The following COL6A3 variants were observed in gnomAD, a reference collection of about 807,000 sequenced individuals.
The protein encoded by COL6A3 is collagen alpha-3(VI) chain.
A neutral mutation model predicts 274.1 loss-of-function variants in COL6A3; 137 were observed. The observed-to-expected ratio is 0.50, with a 90% CI of 0.44 to 0.58. The LOEUF is 0.58. Ranked by LOEUF, COL6A3 falls within the 20% of genes least tolerant of loss-of-function variation. The pLI, the probability that COL6A3 is intolerant of heterozygous loss-of-function variation, is 0.00. For missense variants in COL6A3, 3,950 were observed against 4,124.9 expected (o/e 0.96, Z 1.16); for synonymous variants, 1,650 against 1,650.6 (o/e 1.00, Z 0.01).
rs57735244 is a variant in COL6A3, at chr2:237,413,514, C to T, written c.-31+439G>A. 0.022 allele frequency among the ~76,000 whole-genome samples: 3,328 copies of T among 152,314 alleles called. 120 individuals are homozygous for T. The highest frequency in any genetic ancestry group is 0.076 in the African/African-American group (3,173 of 41,566). ...AGGTTGTTGCACCCTGACCTAGTGT[C>T]ACCACCCAGAGAGCTCAGAGAACAT... On this transcript the variant is annotated intron_variant, in intron 1 of 43. Coordinates refer to ENST00000295550, the MANE Select transcript of COL6A3 (RefSeq NM_004369.4). This position sits in a 1 kb window ranked among gnomAD's most constrained non-coding sequence, Gnocchi z 4.0.
rs756468711 is a variant in COL6A3, at chr2:237,365,881, C to G, written c.5655G>C (p.Val1885=). The part of the protein sequence containing the change: ...VSCSGGRSPT[V]RVSVVANTPS... ...GCGTGTTGGCCACCACTGACACACG[C>G]ACGGTGGGCGAGCGGCCACCGCTGC... is the stretch of plus-strand genomic sequence containing the variant. The change falls in exon 12 of 44, where the codon GTG becomes GTC. Residue 1885 remains valine (V), a synonymous_variant. Coordinates refer to ENST00000295550, the MANE Select transcript of COL6A3 (RefSeq NM_004369.4). 7.4e-6 allele frequency: 12 copies of G among 1,614,060 alleles called. No homozygotes were observed. In the Admixed American group the frequency reaches 2.0e-4, roughly 27 times the overall value.
At chr2:237,337,680 T>C (rs1700618086) in intron 39 of COL6A3, among the ~76,000 whole-genome samples, 1 of 152,210 alleles carries the variant, frequency 6.6e-6, no homozygotes, top group Middle Eastern at 3.2e-3. Flanking sequence ...TGTGACATTC[T>C]CTTAAGGAGC....
chr2:237,378,582 C>G (rs1403417264), intron 6 of COL6A3, 54 bp downstream of exon 6: 11 of 1,611,718 alleles, frequency 6.8e-6, no homozygotes, highest in Non-Finnish European at 9.3e-6. Flanking sequence ...AAACTACCCT[C>G]CAGGGTGGTG....
chr2:237,346,621 G>A, intron 31 of COL6A3, 56 bp from the exon 32 acceptor site: 1 of 1,501,630 alleles, frequency 6.7e-7, no homozygotes, highest in Middle Eastern at 1.7e-4. Flanking sequence ...AGAATTTAAG[G>A]CTCCTATAGT....
rs750288655 is a variant in COL6A3 at position 237,372,103 on chromosome 2, T to C, written c.3914A>G (p.Lys1305Arg). 3.7e-6 allele frequency: 6 copies of C among 1,614,088 alleles called. No homozygotes were observed. The highest frequency in any genetic ancestry group is 2.2e-5 in the East Asian group (1 of 44,880). The change falls in exon 9 of 44, where the codon AAG becomes AGG. Residue 1305 changes from lysine (K) to arginine (R), a missense_variant. Around this residue, in one of 5 missense-constraint regions of COL6A3, gnomAD observed 1,934 missense variants for 1,984.3 expected, o/e 0.97. Coordinates refer to ENST00000295550, the MANE Select transcript of COL6A3 (RefSeq NM_004369.4). Reference sequence around the variant, plus strand: ...GCCCACGTTGATCTGCCGCCCTCCCTTGGGCCTCAGCCGCTGCACCGCGTT... The same window carrying C: ...GCCCACGTTGATCTGCCGCCCTCCCCTGGGCCTCAGCCGCTGCACCGCGTT... ...VQNAVQRLRP[K>R]GGRQINVGNA... is the part of the protein sequence containing the mutation.
In COL6A3 at chr2:237,340,811, A is replaced by G. The variant is rs1460138688; in HGVS notation, c.8105T>C (p.Leu2702Pro). The G allele has an allele frequency of 6.2e-7, 1 of 1,614,170 alleles. No homozygotes were observed. Among genetic ancestry groups the G allele is most frequent in the Admixed American group, 1.7e-5 (1 of 60,032 alleles). The change falls in exon 38 of 44, where the codon CTC becomes CCC. Residue 2702 changes from leucine to proline, a missense_variant. By Grantham distance (98) the Leu-to-Pro change is moderately conservative (BLOSUM62 -3). Coordinates refer to ENST00000295550, the MANE Select transcript of COL6A3 (RefSeq NM_004369.4). ...YGSKEKLVDF[L>P]SRGMTQLQGT... ...CTGCAACTGTGTCATTCCCCTGCTG[A>G]GGAAGTCCACCAGCTTCTCCTTGGA...
At position 237,366,755 on chromosome 2, in the gene COL6A3, T is replaced by C. The variant is rs751626953; in HGVS notation, c.5432A>G (p.Gln1811Arg). 3.7e-6 allele frequency: 6 copies of C among 1,614,144 alleles called. No individual in the cohort carries two copies. Among genetic ancestry groups the C allele is most frequent in the Non-Finnish European group, 5.1e-6 (6 of 1,180,050 alleles). The change falls in exon 11 of 44, where the codon CAA (glutamine) becomes CGA (arginine). Residue 1811 changes from glutamine to arginine, a missense_variant. Gln to Arg is a conservative substitution (Grantham distance 43). Transcript: ENST00000295550. ...CGCATCATGCAAAGTTTCCAAAACTTGCTCGCTCAGTTCGGACAGCTCCTG... is the reference window on the plus strand; with the variant it reads ...CGCATCATGCAAAGTTTCCAAAACTCGCTCGCTCAGTTCGGACAGCTCCTG... ...NVQELSELSE[Q>R]VLETLHDAMH...
chr2:237,337,803 G>A (rs532543974), intron 39 of COL6A3, among the ~76,000 whole-genome samples: 1 of 152,304 alleles, frequency 6.6e-6, no homozygotes, highest in Non-Finnish European at 1.5e-5. Context: ...CACCCGAGAT[G>A]GAGCAGGGCA....
intron 4 of COL6A3, among the ~76,000 whole-genome samples, chr2:237,382,527 T>C (rs73093770): frequency 0.055 from 8,389 of 152,310 alleles, 563 homozygotes; most frequent in African/African-American, 0.15. Context: ...GCAGGCACCC[T>C]GCCCATATTG....
At chr2:237,328,855 GT>G (rs937561853) in intron 42 of COL6A3, 15 of 152,174 alleles carry the variant, frequency 9.9e-5, no homozygotes, top group African/African-American at 3.6e-4. Context: ...TCATCAACAT[GT>G]TCCTCATCAG....
At chr2:237,330,822 C>T (rs995798846) in intron 42 of COL6A3, among the ~76,000 whole-genome samples, 1 of 152,220 alleles carries the variant, frequency 6.6e-6, no homozygotes, top group Non-Finnish European at 1.5e-5. Context: ...AACACTGGTC[C>T]TCTCCTCTTC....
chr2:237,347,823 C>G lies in COL6A3; in HGVS notation c.7013G>C (p.Gly2338Ala). The change falls in exon 31 of 44, where the codon GGC (glycine) becomes GCC (alanine). Residue 2338 changes from glycine to alanine, a missense_variant. Gly to Ala is a moderately conservative substitution (Grantham distance 60). This residue lies in a region of COL6A3 where 1,284 missense variants were observed against 1,349.7 expected (regional missense o/e 0.95). Transcript: ENST00000295550. ...PGLNGTTGPK[G>A]IRGRRGNSGP... ...CAAACTTACCCTTCGGCCTCTGATG[C>G]CTTTGGGTCCTGTTGTTCCATTTAG... 1 of 1,611,160 alleles carries G rather than the reference C, an allele frequency of 6.2e-7. No homozygotes were observed. The highest frequency in any genetic ancestry group is 8.5e-7 in the Non-Finnish European group (1 of 1,178,728).
rs761225306 is a variant in COL6A3, at chr2:237,364,368, C to T, written c.5899G>A (p.Glu1967Lys). Residue 1967 changes from glutamate to lysine, a missense_variant, in exon 13 of 44, where the codon GAG becomes AAG. This residue lies in a region of COL6A3 where 632 missense variants were observed against 623.4 expected (regional missense o/e 1.01). Transcript: ENST00000295550. The surrounding 1 kb of genome is among the most constrained non-coding windows in gnomAD (Gnocchi z 4.6). ...CACCTACCTTCTTGGCGGAGGTTCT[C>T]AGATGCTCTGTGTAAATCAGCCAGA... is the stretch of plus-strand genomic sequence containing the variant. ...GDLADLHRAS[E>K]NLRQEGVRAL... 6.2e-7 allele frequency: 1 copy of T among 1,614,066 alleles called. No homozygotes were observed. Among genetic ancestry groups the T allele is most frequent in the South Asian group, 1.1e-5 (1 of 91,082 alleles).
At chr2:237,399,714 T>C (rs538813848) in intron 1 of COL6A3, among the ~76,000 whole-genome samples, 1 of 152,238 alleles carries the variant, frequency 6.6e-6, no homozygotes, top group African/African-American at 2.4e-5. Context: ...TTCCTCTCCA[T>C]GTCTAATTTT....
At chr2:237,359,701 G>T (rs1313188735) in intron 17 of COL6A3, among the ~76,000 whole-genome samples, 2 of 152,172 alleles carry the variant, frequency 1.3e-5, no homozygotes, top group Non-Finnish European at 2.9e-5. Flanking sequence ...TCAAACTTCA[G>T]CAAACAGAGA....
At position 237,366,684 on chromosome 2, in the gene COL6A3, T is replaced by TA; in HGVS notation, c.5500+2dup. On this transcript the variant is annotated splice_region_variant and intron_variant, in intron 11 of 43. Transcript: ENST00000295550. ...TGGAAAATATGCACATAATGGGAGT[T>TA]ACCTTTGGCAGCATCAGTTACACCA... 1 of 1,614,226 alleles carries TA rather than the reference T, an allele frequency of 6.2e-7. No homozygotes were observed. The highest frequency in any genetic ancestry group is 8.5e-7 in the Non-Finnish European group (1 of 1,180,040).
At position 237,344,159 on chromosome 2, in the gene COL6A3, C is replaced by T. The variant is rs540563906; in HGVS notation, c.7668+191G>A. 571 of 787,728 alleles carry T rather than the reference C, an allele frequency of 7.2e-4. 10 individuals are homozygous for T. The South Asian group carries it at 8.0e-3, about 11-fold the overall frequency. The allele number at this position is 787,728 out of a possible 1,614,324, so 48.8% of individuals were successfully genotyped here. On this transcript the variant is annotated intron_variant, in intron 36 of 43. Transcript: ENST00000295550. This position sits in a 1 kb window ranked among gnomAD's most constrained non-coding sequence, Gnocchi z 4.8. ...GGGGGCAGTGCTACAAGCATGTAGG[C>T]GTCCCTGTAGTGCTGGAGCCACGAG...
At chr2:237,351,338 T>C in intron 26 of COL6A3, 146 bp from the exon 27 acceptor site, 1 of 745,512 alleles carries the variant, frequency 1.3e-6, no homozygotes, top group East Asian at 2.6e-5. Context: ...AGCACTCAGC[T>C]CTGAGCACGG....
intron 5 of COL6A3, among the ~76,000 whole-genome samples, chr2:237,380,327 T>C (rs1475431964): frequency 1.3e-5 from 2 of 152,246 alleles, no homozygotes; most frequent in African/African-American, 4.8e-5. Flanking sequence ...TAGATCTGTA[T>C]AATGTCTTTA....
Sources: gnomAD v4.1 joint callset for allele counts (sites outside exome capture counted in the v4.1 genomes callset) on GRCh38, gnomAD v4.1.1 for gene constraint, gnomAD v4.1.1 regional missense constraint, Gnocchi (gnomAD v3.1) non-coding constraint, MANE v1.5 for transcripts, NCBI Gene and HGNC (gene_info 2026-07-23, HGNC 2026-07-21) for gene names.